The following MAF1 variants were observed in gnomAD, a reference collection of about 807,000 sequenced individuals.
The protein encoded by MAF1 is repressor of RNA polymerase III transcription MAF1 homolog.
In MAF1, 7 loss-of-function variants were observed where a neutral mutation model predicts 31.9. The ratio of observed to expected loss-of-function variants is 0.22; its 90% confidence interval spans 0.12 to 0.41. The LOEUF (loss-of-function observed/expected upper bound fraction) is 0.41, where lower values mean the gene tolerates loss of function less well. MAF1 is among the 10% of genes least tolerant of loss of function. MAF1 has a pLI of 1.00. For synonymous variants in MAF1, 157 were observed against 120.0 expected (o/e 1.31, Z -2.02); for missense variants, 221 against 323.1 (o/e 0.68, Z 2.42).
In MAF1 at chr8:144,106,064, C is replaced by T. The variant is rs746232418; in HGVS notation, c.213-12C>T. 11 of 1,613,530 alleles carry T rather than the reference C, an allele frequency of 6.8e-6. No individual in the cohort carries two copies. Among genetic ancestry groups the T allele is most frequent in the East Asian group, 2.2e-5 (1 of 44,902 alleles). ...GAGGTGATGGGCCCAGCTGATGGTTCTGTCTGTGCAGACTCAGCAAAAGCC... is the reference window on the plus strand; with the variant it reads ...GAGGTGATGGGCCCAGCTGATGGTTTTGTCTGTGCAGACTCAGCAAAAGCC... On this transcript the variant is annotated splice_polypyrimidine_tract_variant and intron_variant, in intron 3 of 7. Transcript: ENST00000322428.
At position 144,106,944 on chromosome 8, in the gene MAF1, A is replaced by G. The variant is rs778296329; in HGVS notation, c.730A>G (p.Ser244Gly). The G allele has an allele frequency of 1.3e-6, 2 of 1,519,664 alleles. No homozygotes were observed. Among genetic ancestry groups the G allele is most frequent in the South Asian group, 2.6e-5 (2 of 78,338 alleles). 94.1% of individuals were successfully genotyped at this position (1,519,664 alleles called of 1,614,324 possible). A position where few individuals can be genotyped will look rare whatever the true frequency, so the allele number is the denominator to read the frequency against. Residue 244 changes from serine to glycine, a missense_variant, in exon 7 of 8, where the codon AGC (serine) becomes GGC (glycine). This residue lies in a region of MAF1 where 75 missense variants were observed against 60.1 expected (regional missense o/e 1.25). Transcript: ENST00000322428. ...CGGGGGCAGTGGGGCCGAGGAGACC[A>G]GCACCATGGAGGAGGACAGGTGTGT... ...RSGGSGAEET[S>G]TMEEDRVPVI...
rs751749058 is a variant in MAF1, at chr8:144,106,547, C to T, written c.501-8C>T. ...GCCTCACACCACCTGTCACCCTATA[C>T]TCCCCAGCTATAACCCAGACTTGGA... is the stretch of plus-strand genomic sequence containing the variant. On this transcript the variant is annotated splice_polypyrimidine_tract_variant and splice_region_variant and intron_variant, in intron 5 of 7. Transcript: ENST00000322428. 2.7e-5 allele frequency: 43 copies of T among 1,613,846 alleles called. No individual in the cohort carries two copies. Among genetic ancestry groups the T allele is most frequent in the Non-Finnish European group, 3.1e-5 (36 of 1,180,042 alleles).
chr8:144,107,475 G>C lies in MAF1; in HGVS notation c.*366G>C. The C allele has an allele frequency of 1.7e-6, 1 of 585,972 alleles. No homozygotes were observed. Among genetic ancestry groups the C allele is most frequent in the Non-Finnish European group, 3.0e-6 (1 of 328,518 alleles). The allele number at this position is 585,972 out of a possible 1,614,324, so 36.3% of individuals were successfully genotyped here. A position where few individuals can be genotyped will look rare whatever the true frequency, so the allele number is the denominator to read the frequency against. On this transcript the variant is annotated 3_prime_UTR_variant, in exon 8 of 8. Coordinates refer to ENST00000322428, the MANE Select transcript of MAF1 (RefSeq NM_032272.5). Reference sequence around the variant, plus strand: ...TCTGTGGCCGGAGGCCCCACGAGCAGGCCCCAGCAGTCACCGGCTCTGGTC... The same window carrying C: ...TCTGTGGCCGGAGGCCCCACGAGCACGCCCCAGCAGTCACCGGCTCTGGTC...
At chr8:144,105,578 G>A (rs1836395095) in intron 1 of MAF1, 62 bp from the exon 2 acceptor site, 5 of 986,910 alleles carry the variant, frequency 5.1e-6, no homozygotes, top group South Asian at 1.4e-5. Flanking sequence ...TGGGTAGGAG[G>A]GCTGAAGGCA....
At position 144,106,094 on chromosome 8, in the gene MAF1, C is replaced by T. The variant is rs766279310; in HGVS notation, c.231C>T (p.Gly77=). The change falls in exon 4 of 8, where the codon GGC becomes GGT. Residue 77 remains glycine (G), a synonymous_variant. Transcript: ENST00000322428. ...TGTGCAGACTCAGCAAAAGCCAAGGCGGTGAGGAGGAGGGCCCCCTCAGTG... is the reference window on the plus strand; with the variant it reads ...TGTGCAGACTCAGCAAAAGCCAAGGTGGTGAGGAGGAGGGCCCCCTCAGTG... ...LSPSRLSKSQ[G]GEEEGPLSDK... 6 of 1,613,628 alleles carry T rather than the reference C, an allele frequency of 3.7e-6. No individual in the cohort carries two copies. The highest frequency in any genetic ancestry group is 4.2e-6 in the Non-Finnish European group (5 of 1,180,016).
At position 144,107,433 on chromosome 8, in the gene MAF1, C is replaced by T. The variant is rs922059208; in HGVS notation, c.*324C>T. ...TTTTTGTATTTCTACTGGGCCTGCACACTCCAGCCCAAAGGGTCTGTGGCC... is the reference window on the plus strand; with the variant it reads ...TTTTTGTATTTCTACTGGGCCTGCATACTCCAGCCCAAAGGGTCTGTGGCC... On this transcript the variant is annotated 3_prime_UTR_variant, in exon 8 of 8. Transcript: ENST00000322428. 8.6e-6 allele frequency: 5 copies of T among 580,970 alleles called. No individual in the cohort carries two copies. The Admixed American group carries it at 9.0e-5, about 10-fold the overall frequency. 36.0% of individuals were successfully genotyped at this position (580,970 alleles called of 1,614,324 possible). A position where few individuals can be genotyped will look rare whatever the true frequency, so the allele number is the denominator to read the frequency against.
At position 144,105,461 on chromosome 8, in the gene MAF1, G is replaced by T. The variant is rs1836393196; in HGVS notation, c.-44-179G>T. The stretch of plus-strand genomic sequence containing the variant: ...TGGAGCCTGGACTTACCACCCTCAG[G>T]TAAAACAGGATCTCTGTCACCTCTC... On this transcript the variant is annotated intron_variant, in intron 1 of 7. Transcript: ENST00000322428. The T allele has an allele frequency of 6.9e-6, 4 of 583,876 alleles. No individual in the cohort carries two copies. The Admixed American group carries it at 1.2e-4, about 18-fold the overall frequency. 36.2% of individuals were successfully genotyped at this position (583,876 alleles called of 1,614,324 possible).
chr8:144,106,758 C>T, intron 6 of MAF1, 77 bp from the exon 7 acceptor site: 2 of 1,572,062 alleles, frequency 1.3e-6, no homozygotes, highest in Admixed American at 3.5e-5. Flanking sequence ...CAGCTTTGCC[C>T]TCCCTGAACA....
chr8:144,106,032 T>C lies in MAF1; in HGVS notation c.212+35T>C, dbSNP rs1387923588. The C allele has an allele frequency of 2.5e-6, 4 of 1,613,044 alleles. No individual in the cohort carries two copies. The South Asian group carries it at 3.3e-5, about 13-fold the overall frequency. On this transcript the variant is annotated intron_variant, in intron 3 of 7. Coordinates refer to ENST00000322428, the MANE Select transcript of MAF1 (RefSeq NM_032272.5). ...GGTGGGGCCTACCTGGGGCTGGGGG[T>C]TGAGGGGAGGTGATGGGCCCAGCTG...
At position 144,105,778 on chromosome 8, in the gene MAF1, TG is replaced by T. The variant is rs747797971; in HGVS notation, c.83+19del. On this transcript the variant is annotated intron_variant, in intron 2 of 7. Transcript: ENST00000322428. ...CACATCATTGGCAGGTGAGGCAGGC[TG>T]GGGGGGCTGGCATCTCGGAGGTCAC... The T allele has an allele frequency of 3.2e-5, 52 of 1,611,284 alleles. No individual in the cohort carries two copies. The highest frequency in any genetic ancestry group is 4.2e-5 in the Non-Finnish European group (49 of 1,178,982).
intron 1 of MAF1, chr8:144,105,425 T>G (rs1836392478): frequency 1.9e-6 from 1 of 535,334 alleles, no homozygotes; most frequent in Non-Finnish European, 3.4e-6. Flanking sequence ...CTGCAGGGGG[T>G]ATGGCTGACC....
rs1370238543 is a variant in MAF1, at chr8:144,107,581, G to A, written c.*472G>A. On this transcript the variant is annotated 3_prime_UTR_variant, in exon 8 of 8. Coordinates refer to ENST00000322428, the MANE Select transcript of MAF1 (RefSeq NM_032272.5). ...ACTGAGTGTCACTTTGCTGCAGCTCGTTTCTTTCCAATAAAAGTTTCTGTG... is the reference window on the plus strand; with the variant it reads ...ACTGAGTGTCACTTTGCTGCAGCTCATTTCTTTCCAATAAAAGTTTCTGTG... 3.4e-6 allele frequency: 2 copies of A among 588,870 alleles called. No homozygotes were observed. The highest frequency in any genetic ancestry group is 3.1e-6 in the Non-Finnish European group (1 of 320,040). 36.5% of individuals were successfully genotyped at this position (588,870 alleles called of 1,614,324 possible).
At chr8:144,105,321 T>G in intron 1 of MAF1, 1 of 253,236 alleles carries the variant, frequency 3.9e-6, no homozygotes, top group Non-Finnish European at 7.8e-6. Context: ...GGCGTGGAGA[T>G]GGGGAATGGG....
rs1375638878 is a variant in MAF1 at position 144,105,863 on chromosome 8, C to T, written c.84-6C>T. The T allele has an allele frequency of 2.5e-6, 4 of 1,612,844 alleles. No homozygotes were observed. The highest frequency in any genetic ancestry group is 3.3e-5 in the Admixed American group (2 of 60,008). The stretch of plus-strand genomic sequence containing the variant: ...CATGCTTCATGGTTCTCTCTGCATC[C>T]TATAGGATTGAGAGCTACTCATGTA... On this transcript the variant is annotated splice_polypyrimidine_tract_variant and splice_region_variant and intron_variant, in intron 2 of 7. Transcript: ENST00000322428.
chr8:144,106,925 C>G lies in MAF1; in HGVS notation c.711C>G (p.Gly237=). 1 of 1,516,380 alleles carries G rather than the reference C, an allele frequency of 6.6e-7. No homozygotes were observed. The highest frequency in any genetic ancestry group is 1.3e-5 in the South Asian group (1 of 75,564). 93.9% of individuals were successfully genotyped at this position (1,516,380 alleles called of 1,614,324 possible). The stretch of plus-strand genomic sequence containing the variant: ...TGGAGGAAGAAAGCAGAAGCGGGGG[C>G]AGTGGGGCCGAGGAGACCAGCACCA... The part of the protein sequence containing the change: ...EEVEEESRSG[G]SGAEETSTME... Residue 237 remains glycine, a synonymous_variant, in exon 7 of 8, where the codon GGC becomes GGG. Transcript: ENST00000322428.
chr8:144,105,491 C>T, intron 1 of MAF1, 149 bp from the exon 2 acceptor site: 1 of 601,364 alleles, frequency 1.7e-6, no homozygotes, highest in Non-Finnish European at 3.0e-6. Flanking sequence ...CCTCTCCTGG[C>T]CGGGCAGAGA....
rs751917379 is a variant in MAF1 at position 144,107,069 on chromosome 8, T to C, written c.750-19T>C. 5 of 1,573,618 alleles carry C rather than the reference T, an allele frequency of 3.2e-6. No individual in the cohort carries two copies. In the Admixed American group the frequency reaches 5.5e-5, roughly 17 times the overall value. On this transcript the variant is annotated intron_variant, in intron 7 of 7. Coordinates refer to ENST00000322428, the MANE Select transcript of MAF1 (RefSeq NM_032272.5). Reference sequence around the variant, plus strand: ...AGTGGTGGCTCCTGAAGGCCCACTGTGTGCCAACCTCCGCCCAGGGTCCCA... The same window carrying C: ...AGTGGTGGCTCCTGAAGGCCCACTGCGTGCCAACCTCCGCCCAGGGTCCCA...
Position 144,107,086 on chromosome 8 carries a change from A to C in MAF1, c.750-2A>C. On this transcript the variant is annotated splice_acceptor_variant, in intron 7 of 7. Coordinates refer to ENST00000322428, the MANE Select transcript of MAF1 (RefSeq NM_032272.5). LOFTEE classifies it high-confidence loss of function. ...GCCCACTGTGTGCCAACCTCCGCCC[A>C]GGGTCCCAGTGATCTGTATTTGATG... 6.4e-7 allele frequency: 1 copy of C among 1,574,112 alleles called. No homozygotes were observed. The highest frequency in any genetic ancestry group is 1.8e-5 in the Admixed American group (1 of 54,572).
At position 144,107,526 on chromosome 8, in the gene MAF1, T is replaced by TACCC; in HGVS notation, c.*418_*421dup. On this transcript the variant is annotated 3_prime_UTR_variant, in exon 8 of 8. Transcript: ENST00000322428. ...TTGGGCCGGCCCCGGTGCCCACCTG[T>TACCC]ACCCCCACCTCGCCCATTTGGCCGC... 1.7e-6 allele frequency: 1 copy of TACCC among 599,430 alleles called. No individual in the cohort carries two copies. The highest frequency in any genetic ancestry group is 3.0e-6 in the Non-Finnish European group (1 of 333,466). The allele number at this position is 599,430 out of a possible 1,614,324, so 37.1% of individuals were successfully genotyped here. A position where few individuals can be genotyped will look rare whatever the true frequency, so the allele number is the denominator to read the frequency against.
Sources: gnomAD v4.1 joint callset for allele counts on GRCh38, gnomAD v4.1.1 for gene constraint, gnomAD v4.1.1 regional missense constraint, MANE v1.5 for transcripts, NCBI Gene and HGNC (gene_info 2026-07-23, HGNC 2026-07-21) for gene names.